Variants in NT5DC3 observed in about 807,000 individuals in gnomAD.
NT5DC3 encodes 5'-nucleotidase domain-containing protein 3.
In NT5DC3, 42 loss-of-function variants were observed where a neutral mutation model predicts 67.8. That is an observed-to-expected ratio of 0.62 (90% confidence interval 0.48 to 0.80). The LOEUF is 0.80. Ranked by LOEUF, NT5DC3 falls within the 30% of genes least tolerant of loss-of-function variation. NT5DC3 has a pLI of 0.00. For missense variants in NT5DC3, 570 were observed against 696.4 expected (o/e 0.82, Z 2.04); for synonymous variants, 237 against 255.6 (o/e 0.93, Z 0.69).
At chr12:103,755,619 C>T in the NT5DC3 span, 1 of 1,614,134 alleles carries the variant, frequency 6.2e-7, no homozygotes. Flanking sequence ...CAGATGTGAA[C>T]TGCACCTGCA....
At chr12:103,759,023 C>A in the NT5DC3 span, 1 of 1,562,264 alleles carries the variant, frequency 6.4e-7, no homozygotes, top group South Asian at 1.1e-5. Context: ...CACATGGAGG[C>A]AGGAAAGCCT....
In NT5DC3 at chr12:103,793,394, A is replaced by T. The variant is rs1056073957; in HGVS notation, c.917+16T>A. 1 of 1,605,016 alleles carries T rather than the reference A, an allele frequency of 6.2e-7. No individual in the cohort carries two copies. The highest frequency in any genetic ancestry group is 8.5e-7 in the Non-Finnish European group (1 of 1,171,896). On this transcript the variant is annotated intron_variant, in intron 8 of 13. Coordinates refer to ENST00000392876, the MANE Select transcript of NT5DC3 (RefSeq NM_001031701.3). ...GAGTGTGCCAGAAGCTAGCAATGAA[A>T]CACAGAGCAACTTACACAAAGCTAC...
At chr12:103,810,598 A>T (rs548537841) in intron 2 of NT5DC3, among the ~76,000 whole-genome samples, 5 of 152,366 alleles carry the variant, frequency 3.3e-5, no homozygotes, top group African/African-American at 1.2e-4. Context: ...ATTTAGGCCC[A>T]GTCTGGTTTC....
At chr12:103,824,506 G>C (rs937256536) in intron 1 of NT5DC3, among the ~76,000 whole-genome samples, 2 of 152,122 alleles carry the variant, frequency 1.3e-5, no homozygotes, top group Admixed American at 6.5e-5. Context: ...GCTGGTCCAG[G>C]GCAGAACACC....
intron 1 of NT5DC3, among the ~76,000 whole-genome samples, chr12:103,823,611 C>T (rs757438934): frequency 7.9e-5 from 12 of 152,170 alleles, no homozygotes; most frequent in Non-Finnish European, 1.6e-4. Flanking sequence ...AGAATACTCC[C>T]AGATATTCCA....
the NT5DC3 span, among the ~76,000 whole-genome samples, chr12:103,747,528 G>C: frequency 6.6e-6 from 1 of 151,376 alleles, no homozygotes; most frequent in Non-Finnish European, 1.5e-5. Context: ...AGAGGAAGGA[G>C]GCAAACCTCC....
intron 4 of NT5DC3, among the ~76,000 whole-genome samples, chr12:103,801,372 CTTTTTTTTTTTTT>C (rs869237844): frequency 2.5e-5 from 2 of 78,946 alleles, no homozygotes; most frequent in African/African-American, 1.1e-4. Context: ...TTGGGGTGGG[CTTTTTTTTTTTTT>C]TTTTTTTTTT....
chr12:103,759,345 C>A, the NT5DC3 span: 1 of 1,565,354 alleles, frequency 6.4e-7, no homozygotes, highest in Non-Finnish European at 8.6e-7. Flanking sequence ...ACAGTAGGTG[C>A]TTAATAGATG....
At chr12:103,787,385 T>G (rs1407670291) in intron 11 of NT5DC3, 56 bp downstream of exon 11, 1 of 804,922 alleles carries the variant, frequency 1.2e-6, no homozygotes, top group African/African-American at 1.7e-5. Flanking sequence ...GATACATTCT[T>G]TAGTAAGTGA....
rs3751204 is a variant in NT5DC3, at chr12:103,777,677, C to T, written c.*152G>A. On this transcript the variant is annotated 3_prime_UTR_variant, in exon 14 of 14. Coordinates refer to ENST00000392876, the MANE Select transcript of NT5DC3 (RefSeq NM_001031701.3). ...GGTGGGCTGCTAGCTCCTGTCTTAACCATTGGGAGAATTATTCTCCGTAAG... is the reference window on the plus strand; with the variant it reads ...GGTGGGCTGCTAGCTCCTGTCTTAATCATTGGGAGAATTATTCTCCGTAAG... 264,003 of 901,358 alleles carry T rather than the reference C, an allele frequency of 0.29. 40,339 individuals carry two copies. Among genetic ancestry groups the T allele is most frequent in the South Asian group, 0.46 (26,004 of 56,844 alleles). The allele number at this position is 901,358 out of a possible 1,614,324, so 55.8% of individuals were successfully genotyped here.
downstream of NT5DC3, among the ~76,000 whole-genome samples, chr12:103,767,702 G>GTGA (rs1555256932): frequency 1.3e-5 from 2 of 152,140 alleles, no homozygotes; most frequent in East Asian, 1.9e-4. Flanking sequence ...CACTGCAAGA[G>GTGA]TGATTGATTT....
intron 11 of NT5DC3, among the ~76,000 whole-genome samples, 195 bp downstream of exon 11, chr12:103,787,246 A>G (rs1885826082): frequency 6.8e-6 from 1 of 146,996 alleles, no homozygotes; most frequent in African/African-American, 2.5e-5. Flanking sequence ...ACTCTGATCC[A>G]TCCTGTTCTG....
the NT5DC3 span, chr12:103,759,048 A>G: frequency 2.1e-5 from 34 of 1,608,392 alleles, no homozygotes; most frequent in Non-Finnish European, 2.9e-5. Context: ...CATGAGAAGC[A>G]ATTTTCTTCG....
the NT5DC3 span, among the ~76,000 whole-genome samples, chr12:103,748,104 A>G: frequency 1.3e-5 from 2 of 152,190 alleles, no homozygotes; most frequent in Non-Finnish European, 2.9e-5. Flanking sequence ...TCATGGATAA[A>G]TATTCACAGA....
chr12:103,820,382 C>T (rs144769319), intron 1 of NT5DC3, among the ~76,000 whole-genome samples: 273 of 152,246 alleles, frequency 1.8e-3, no homozygotes, highest in Non-Finnish European at 3.5e-3. Flanking sequence ...CAGAAAAATA[C>T]CATTTCTTGT....
rs1885269876 is a variant in NT5DC3, at chr12:103,774,327, T to G, written c.*3502A>C. On this transcript the variant is annotated 3_prime_UTR_variant, in exon 14 of 14. Coordinates refer to ENST00000392876, the MANE Select transcript of NT5DC3 (RefSeq NM_001031701.3). ...CAGATTCATTTCCCTTGTACCAATA[T>G]GCATTCATCAATGTGCACATCAGAG... 1 of 152,246 alleles carries G rather than the reference T, an allele frequency of 6.6e-6. No individual in the cohort carries two copies. The highest frequency in any genetic ancestry group is 2.1e-4 in the South Asian group (1 of 4,830). 9.4% of individuals were successfully genotyped at this position (152,246 alleles called of 1,614,324 possible).
chr12:103,794,084 T>A (rs1886191725), intron 6 of NT5DC3, 87 bp from the exon 7 acceptor site: 2 of 1,007,378 alleles, frequency 2.0e-6, no homozygotes, highest in Non-Finnish European at 3.2e-6. Flanking sequence ...CATGGTAACT[T>A]CTGTCCCTAG....
At chr12:103,820,250 G>A (rs1356489448) in intron 1 of NT5DC3, among the ~76,000 whole-genome samples, 1 of 152,140 alleles carries the variant, frequency 6.6e-6, no homozygotes, top group African/African-American at 2.4e-5. Flanking sequence ...ATCTTTTTGG[G>A]TGCATACCTA....
intron 1 of NT5DC3, among the ~76,000 whole-genome samples, chr12:103,830,122 T>A (rs1211239624): frequency 1.3e-5 from 2 of 152,226 alleles, no homozygotes; most frequent in Non-Finnish European, 1.5e-5. Context: ...AAACTCTACA[T>A]ACATTTACTC....
Sources: gnomAD v4.1 joint callset for allele counts (sites outside exome capture counted in the v4.1 genomes callset) on GRCh38, gnomAD v4.1.1 for gene constraint, MANE v1.5 for transcripts, NCBI Gene and HGNC (gene_info 2026-07-23, HGNC 2026-07-21) for gene names.